Variants in NMT1 observed in about 807,000 individuals in gnomAD.
NMT1 encodes N-myristoyltransferase 1, also known as glycylpeptide N-tetradecanoyltransferase 1.
In NMT1, 12 loss-of-function variants were observed where a neutral mutation model predicts 63.4. The observed-to-expected ratio is 0.19, with a 90% CI of 0.12 to 0.31. The LOEUF (loss-of-function observed/expected upper bound fraction) is 0.31. Ranked by LOEUF, NMT1 falls within the 10% of genes least tolerant of loss-of-function variation. The pLI is 1.00. For synonymous variants in NMT1, 228 were observed against 234.3 expected, an observed-to-expected ratio of 0.97 and a Z score of 0.25; for missense variants, 432 against 634.6, an observed-to-expected ratio of 0.68 and a Z score of 3.43.
intron 1 of NMT1, among the ~76,000 whole-genome samples, chr17:45,063,681 A>G (rs760617757): frequency 1.2e-4 from 18 of 150,252 alleles, no homozygotes; most frequent in Non-Finnish European, 1.0e-4. Context: ...GGATCACTTG[A>G]GGTCAGCAGT....
Position 45,103,948 on chromosome 17 carries a change from C to T in NMT1, c.1332+72C>T. On this transcript the variant is annotated intron_variant, in intron 10 of 11. Transcript: ENST00000258960. This position sits in a 1 kb window ranked among gnomAD's most constrained non-coding sequence, Gnocchi z 4.8. ...AGTGGAGCCATGGTGAGCACAGCTCCCGGGACGCAGCCTCCCATGGGCTGG... is the reference window on the plus strand; with the variant it reads ...AGTGGAGCCATGGTGAGCACAGCTCTCGGGACGCAGCCTCCCATGGGCTGG... The T allele has an allele frequency of 6.2e-7, 1 of 1,603,790 alleles. No individual in the cohort carries two copies. The highest frequency in any genetic ancestry group is 8.5e-7 in the Non-Finnish European group (1 of 1,179,816).
intron 1 of NMT1, among the ~76,000 whole-genome samples, chr17:45,073,314 G>A (rs1443536222): frequency 6.6e-6 from 1 of 152,020 alleles, no homozygotes; most frequent in Non-Finnish European, 1.5e-5. Context: ...AGCTTTTCAG[G>A]AGGCTGAGGA....
In NMT1 at chr17:45,097,191, G is replaced by C. The variant is rs1330823537; in HGVS notation, c.660G>C (p.Arg220=). The C allele has an allele frequency of 6.8e-6, 11 of 1,614,080 alleles. No individual in the cohort carries two copies. Among genetic ancestry groups the C allele is most frequent in the Admixed American group, 3.3e-5 (2 of 60,000 alleles). ...GTGGGGTTCGAGTGGTCTCAAGTCGGAAATTGGTTGGGTTCATTAGCGCCA... is the reference window on the plus strand; with the variant it reads ...GTGGGGTTCGAGTGGTCTCAAGTCGCAAATTGGTTGGGTTCATTAGCGCCA... ...WHCGVRVVSS[R]KLVGFISAIP... is the part of the protein sequence containing the mutation. Residue 220 remains arginine (R), a synonymous_variant, in exon 6 of 12, where the codon CGG becomes CGC. Transcript: ENST00000258960.
rs538578824 is a variant in NMT1 at position 45,065,581 on chromosome 17, G to A, written c.131+4121G>A. On this transcript the variant is annotated intron_variant, in intron 1 of 11. Transcript: ENST00000258960. ...GGAGCTTGCAGTGAGCCGAGATTGC[G>A]CCATTGCACTCCAGCCTGGGCGACA... Among the ~76,000 whole-genome samples the A allele has an allele frequency of 8.1e-5, 11 of 135,068 alleles. No homozygotes were observed. In the East Asian group the frequency reaches 1.5e-3, roughly 18 times the overall value. 88.6% of individuals were successfully genotyped at this position (135,068 alleles called of 152,430 possible). A position where few individuals can be genotyped will look rare whatever the true frequency, so the allele number is the denominator to read the frequency against.
intron 1 of NMT1, among the ~76,000 whole-genome samples, chr17:45,078,374 G>T (rs1200269803): frequency 1.3e-5 from 2 of 152,124 alleles, no homozygotes; most frequent in East Asian, 1.9e-4. Flanking sequence ...CAAGGGTAAG[G>T]TCATGAAGTC....
chr17:45,074,215 G>A (rs920509479), intron 1 of NMT1, among the ~76,000 whole-genome samples: 74 of 118,134 alleles, frequency 6.3e-4, no homozygotes, highest in African/African-American at 2.6e-3. Context: ...ATTAAAAGAT[G>A]ACTTTTTTTT....
intron 3 of NMT1, among the ~76,000 whole-genome samples, chr17:45,090,659 G>A (rs777011195): frequency 3.9e-5 from 6 of 152,076 alleles, no homozygotes; most frequent in Non-Finnish European, 7.3e-5. Context: ...CAGTTGCACC[G>A]CATTGCTTAG....
intron 8 of NMT1, among the ~76,000 whole-genome samples, chr17:45,102,728 G>C (rs1172725467): frequency 6.6e-6 from 1 of 152,252 alleles, no homozygotes; most frequent in Non-Finnish European, 1.5e-5. Flanking sequence ...CTGGGGCCAT[G>C]TAGATGGTTG....
At position 45,105,424 on chromosome 17, in the gene NMT1, T is replaced by C; in HGVS notation, c.1471-195T>C. On this transcript the variant is annotated intron_variant, in intron 11 of 11. Transcript: ENST00000258960. This position sits in a 1 kb window ranked among gnomAD's most constrained non-coding sequence, Gnocchi z 4.2. ...GGGGTGAGCTGGAGCGTGGGCCAGT[T>C]TTCCCTGGGAGGTCTGATGGACGTG... 6.6e-6 allele frequency among the ~76,000 whole-genome samples: 1 copy of C among 152,114 alleles called. No homozygotes were observed. The highest frequency in any genetic ancestry group is 2.1e-4 in the South Asian group (1 of 4,822).
chr17:45,069,034 C>T (rs1260752622), intron 1 of NMT1, among the ~76,000 whole-genome samples: 1 of 151,532 alleles, frequency 6.6e-6, no homozygotes, highest in East Asian at 1.9e-4. Flanking sequence ...GATCTCGGCT[C>T]ACTGCAACCT....
At chr17:45,080,916 G>A (rs192378273) in intron 1 of NMT1, among the ~76,000 whole-genome samples, 9 of 152,234 alleles carry the variant, frequency 5.9e-5, no homozygotes, top group African/African-American at 2.2e-4. Context: ...ACAGGCATGT[G>A]CCACCAGGCC....
chr17:45,097,050 C>G (rs994478045), intron 5 of NMT1, 78 bp from the exon 6 acceptor site: 15 of 1,192,206 alleles, frequency 1.3e-5, no homozygotes, highest in Non-Finnish European at 1.7e-5. Flanking sequence ...AGGTCCGAAC[C>G]AAATTTGGCT....
intron 4 of NMT1, among the ~76,000 whole-genome samples, chr17:45,094,023 T>A (rs957084997): frequency 6.6e-6 from 1 of 152,246 alleles, no homozygotes; most frequent in African/African-American, 2.4e-5. Flanking sequence ...AGGTCCCCGA[T>A]GTGGATACCT....
intron 1 of NMT1, among the ~76,000 whole-genome samples, chr17:45,077,605 G>C (rs577588759): frequency 6.6e-6 from 1 of 152,298 alleles, no homozygotes; most frequent in African/African-American, 2.4e-5. Context: ...GGTCAGGCTG[G>C]TCTCGAACTC....
At chr17:45,089,917 C>T (rs1013156560) in intron 3 of NMT1, among the ~76,000 whole-genome samples, 3 of 151,968 alleles carry the variant, frequency 2.0e-5, no homozygotes, top group Non-Finnish European at 2.9e-5. Flanking sequence ...GGATTATAGG[C>T]GTGAGCCACT....
chr17:45,079,290 G>A (rs996584287), intron 1 of NMT1, among the ~76,000 whole-genome samples: 15 of 152,066 alleles, frequency 9.9e-5, no homozygotes, highest in Admixed American at 1.3e-4. Flanking sequence ...TTTTAGTAGA[G>A]ACGGGGTTTC....
chr17:45,071,373 C>T (rs2053938440), intron 1 of NMT1: 1 of 152,194 alleles, frequency 6.6e-6, no homozygotes, highest in African/African-American at 2.4e-5. Flanking sequence ...GAGACAAGAT[C>T]TCACTATGTT....
chr17:45,086,424 T>C, intron 2 of NMT1, 84 bp from the exon 3 acceptor site: 2 of 1,390,854 alleles, frequency 1.4e-6, no homozygotes, highest in Non-Finnish European at 1.9e-6. Context: ...TGCACCCAGC[T>C]CCCCTTAACT....
At position 45,104,412 on chromosome 17, in the gene NMT1, A is replaced by G. The variant is rs2054190043; in HGVS notation, c.1333-447A>G. The G allele has an allele frequency of 2.7e-6, 3 of 1,116,886 alleles. No homozygotes were observed. The highest frequency in any genetic ancestry group is 3.3e-6 in the Non-Finnish European group (3 of 908,302). 69.2% of individuals were successfully genotyped at this position (1,116,886 alleles called of 1,614,324 possible). A position where few individuals can be genotyped will look rare whatever the true frequency, so the allele number is the denominator to read the frequency against. ...AGCATCTTCACAGTCTCCAAGCAAC[A>G]CAGCAGGTGTCATACAACATGAGGT... On this transcript the variant is annotated intron_variant, in intron 10 of 11. Coordinates refer to ENST00000258960, the MANE Select transcript of NMT1 (RefSeq NM_021079.5). The surrounding 1 kb of genome is among the most constrained non-coding windows in gnomAD (Gnocchi z 4.2).
Sources: allele counts gnomAD v4.1 joint callset (sites outside exome capture counted in the v4.1 genomes callset), GRCh38; gene constraint gnomAD v4.1.1; non-coding constraint Gnocchi (gnomAD v3.1); transcripts MANE v1.5; gene names NCBI Gene and HGNC (gene_info 2026-07-23, HGNC 2026-07-21).